The following COPG2 variants were observed in gnomAD, a reference collection of about 807,000 sequenced individuals.
COPG2 encodes the protein coat protein complex I subunit gamma 2, also known as coatomer subunit gamma-2.
A neutral mutation model predicts 46.3 loss-of-function variants in COPG2; 37 were observed. That is an observed-to-expected ratio of 0.80 (90% CI 0.61 to 1.05). COPG2 has a LOEUF of 1.05. Ranked by LOEUF, COPG2 falls within the 50% of genes least tolerant of loss-of-function variation. The probability of loss-of-function intolerance (pLI) is 0.00; values close to 1 mark genes in which losing one functional copy is unlikely to be tolerated. For synonymous variants in COPG2, 159 were observed against 129.7 expected, an observed-to-expected ratio of 1.23 and a Z score of -1.53; for missense variants, 427 against 387.8, an observed-to-expected ratio of 1.10 and a Z score of -0.85.
intron 9 of COPG2, among the ~76,000 whole-genome samples, chr7:130,603,327 C>G (rs1794672076): frequency 2.0e-5 from 3 of 152,118 alleles, no homozygotes; most frequent in South Asian, 4.1e-4. Context: ...TTGTATTTAA[C>G]AGTAATTGTT....
chr7:130,593,588 G>A (rs1486048092), intron 9 of COPG2, among the ~76,000 whole-genome samples: 1 of 152,178 alleles, frequency 6.6e-6, no homozygotes, highest in South Asian at 2.1e-4. Context: ...AAAAAGCAGT[G>A]GTGAATATGA....
intron 1 of COPG2, 113 bp downstream of exon 1, chr7:130,668,519 C>G: frequency 1.1e-6 from 1 of 950,982 alleles, no homozygotes; most frequent in Non-Finnish European, 1.4e-6. Context: ...GCTCCGGCCC[C>G]CTGGCACGGC....
chr7:130,546,075 A>G (rs1172761314), intron 20 of COPG2, among the ~76,000 whole-genome samples: 1 of 152,222 alleles, frequency 6.6e-6, no homozygotes, highest in Non-Finnish European at 1.5e-5. Flanking sequence ...CAATGGGTTC[A>G]GCATTTCACT....
In COPG2 at chr7:130,620,106, CTCT is replaced by C. The variant is rs201826445; in HGVS notation, c.324-3044_324-3042del. Among the ~76,000 whole-genome samples, 127 of 152,214 alleles carry C rather than the reference CTCT, an allele frequency of 8.3e-4. No individual in the cohort carries two copies. In the East Asian group the frequency reaches 0.021, roughly 25 times the overall value. Reference sequence around the variant, plus strand: ...ATACGTAGCTATGTTTTTAAAAGTTCTCTTTTTTAATGTTTTATCTATAAATAG... The same window carrying C: ...ATACGTAGCTATGTTTTTAAAAGTTCTTTTTAATGTTTTATCTATAAATAG... On this transcript the variant is annotated intron_variant, in intron 5 of 23. Coordinates refer to ENST00000425248, the MANE Select transcript of COPG2 (RefSeq NM_012133.6).
At chr7:130,667,226 A>G (rs3804619) in intron 2 of COPG2, among the ~76,000 whole-genome samples, 1 of 152,078 alleles carries the variant, frequency 6.6e-6, no homozygotes, top group African/African-American at 2.4e-5. Context: ...AACTGATTTC[A>G]ATAACCTTGC....
At chr7:130,513,341 A>ATATATATGTGTGTG (rs1215646008) in intron 20 of COPG2, among the ~76,000 whole-genome samples, 3 of 51,560 alleles carry the variant, frequency 5.8e-5, no homozygotes, top group African/African-American at 1.1e-4. Flanking sequence ...ATATATATAT[A>ATATATATGTGTGTG]TGTGTGTGTG....
chr7:130,617,205 T>C lies in COPG2; in HGVS notation c.324-140A>G, dbSNP rs73724344. On this transcript the variant is annotated intron_variant, in intron 5 of 23. Coordinates refer to ENST00000425248, the MANE Select transcript of COPG2 (RefSeq NM_012133.6). ...AAATATTTATGGAGCATATTCTTTG[T>C]ATATGTGCTAAGACTACTGCGTAGA... 891 of 531,024 alleles carry C rather than the reference T, an allele frequency of 1.7e-3. 4 individuals are homozygous for C. The highest frequency in any genetic ancestry group is 0.016 in the African/African-American group (831 of 51,756). The allele number at this position is 531,024 out of a possible 1,614,324, so 32.9% of individuals were successfully genotyped here.
chr7:130,653,210 T>TA (rs1554459391), intron 4 of COPG2, among the ~76,000 whole-genome samples: 1 of 152,192 alleles, frequency 6.6e-6, no homozygotes. Flanking sequence ...GATACAAACT[T>TA]AGACTATGAT....
intron 8 of COPG2, 21 bp from the exon 9 acceptor site, chr7:130,611,131 G>A (rs781843265): frequency 1.9e-6 from 3 of 1,596,382 alleles, no homozygotes; most frequent in South Asian, 1.1e-5. Flanking sequence ...TGAAAAAGAA[G>A]GTAGCACATG....
rs945219871 is a variant in COPG2 at position 130,518,660 on chromosome 7, A to G, written c.2150-10001T>C. On this transcript the variant is annotated intron_variant, in intron 20 of 23. Coordinates refer to ENST00000425248, the MANE Select transcript of COPG2 (RefSeq NM_012133.6). ...GATACTAAGATTTGCTCAGAACAGA[A>G]ATATTATGTTAGAACTGGCTGTAAG... Among the ~76,000 whole-genome samples the G allele has an allele frequency of 1.5e-3, 223 of 152,316 alleles. 1 individual carries two copies. The highest frequency in any genetic ancestry group is 3.4e-3 in the Middle Eastern group (1 of 294).
At chr7:130,620,163 T>C (rs1395413432) in intron 5 of COPG2, among the ~76,000 whole-genome samples, 1 of 152,184 alleles carries the variant, frequency 6.6e-6, no homozygotes, top group Admixed American at 6.5e-5. Flanking sequence ...GTCAAAAGTT[T>C]TGCCCTCTCA....
chr7:130,598,148 C>CT lies in COPG2; in HGVS notation c.737+12804dup, dbSNP rs782792959. ...TTCATGGTATAAGATCTCAAGGATG[C>CT]TTTTTTTTTTGTATCCCTCTGCACA... is the stretch of plus-strand genomic sequence containing the variant. On this transcript the variant is annotated intron_variant, in intron 9 of 23. Coordinates refer to ENST00000425248, the MANE Select transcript of COPG2 (RefSeq NM_012133.6). Among the ~76,000 whole-genome samples, 1,144 of 147,494 alleles carry CT rather than the reference C, an allele frequency of 7.8e-3. 4 individuals are homozygous for CT. The highest frequency in any genetic ancestry group is 0.012 in the Non-Finnish European group (774 of 66,546).
At chr7:130,575,382 G>C (rs1554446064) in intron 9 of COPG2, among the ~76,000 whole-genome samples, 1 of 152,122 alleles carries the variant, frequency 6.6e-6, no homozygotes, top group African/African-American at 2.4e-5. Context: ...AAGCTAGAAG[G>C]GATTGGGTCC....
intron 20 of COPG2, chr7:130,510,340 G>C: frequency 2.3e-6 from 1 of 430,956 alleles, no homozygotes; most frequent in South Asian, 1.8e-5. Flanking sequence ...AATTAGGATA[G>C]GATTTTCTTC....
chr7:130,619,523 T>G (rs781832126), intron 5 of COPG2, among the ~76,000 whole-genome samples: 3 of 152,194 alleles, frequency 2.0e-5, no homozygotes, highest in Non-Finnish European at 2.9e-5. Flanking sequence ...TCCAAATTTT[T>G]GTTAGTATTA....
At chr7:130,549,043 CAA>C (rs1284034360) in intron 18 of COPG2, among the ~76,000 whole-genome samples, 20,939 of 110,510 alleles carry the variant, frequency 0.19, 2,630 homozygotes, top group African/African-American at 0.37. Context: ...AAGCAAAAAG[CAA>C]AAAAAAAAAA....
chr7:130,545,231 A>C (rs975153413), intron 20 of COPG2, among the ~76,000 whole-genome samples: 1 of 151,860 alleles, frequency 6.6e-6, no homozygotes, highest in Non-Finnish European at 1.5e-5. Flanking sequence ...TAAGAGATCA[A>C]ATAATTTGTC....
intron 20 of COPG2, among the ~76,000 whole-genome samples, 196 bp from the exon 21 acceptor site, chr7:130,508,855 A>G (rs138763780): frequency 3.2e-4 from 48 of 152,332 alleles, no homozygotes; most frequent in African/African-American, 8.9e-4. Flanking sequence ...TGTAAAGTCT[A>G]TTCCACGCTG....
chr7:130,654,751 GCT>G (rs1795815618), intron 4 of COPG2, among the ~76,000 whole-genome samples: 1 of 151,978 alleles, frequency 6.6e-6, no homozygotes, highest in African/African-American at 2.4e-5. Context: ...GGTTGCTGAT[GCT>G]CTGTTTATTT....
Sources: allele counts gnomAD v4.1 joint callset (sites outside exome capture counted in the v4.1 genomes callset), GRCh38; gene constraint gnomAD v4.1.1; transcripts MANE v1.5; gene names NCBI Gene and HGNC (gene_info 2026-07-23, HGNC 2026-07-21).